Variants in C12orf42 observed in about 807,000 individuals in gnomAD.
C12orf42 encodes uncharacterized protein C12orf42.
Under a neutral mutation model 21.6 loss-of-function variants are expected in C12orf42, and 25 were observed. The ratio of observed to expected loss-of-function variants is 1.16; its 90% CI spans 0.84 to 1.62. The LOEUF is 1.62. C12orf42 is among the 40% of genes most tolerant of loss of function. The pLI is 0.00. For synonymous variants in C12orf42, 174 were observed against 175.0 expected (o/e 0.99, Z 0.05); for missense variants, 483 against 459.3 (o/e 1.05, Z -0.47).
the C12orf42 span, among the ~76,000 whole-genome samples, chr12:103,521,071 G>A: frequency 6.6e-6 from 1 of 152,162 alleles, no homozygotes; most frequent in African/African-American, 2.4e-5. Flanking sequence ...TGTAGGATAT[G>A]GCATGCACTG....
intron 2 of C12orf42, among the ~76,000 whole-genome samples, chr12:103,436,170 G>A (rs1455942081): frequency 4.0e-5 from 6 of 150,392 alleles, no homozygotes. Context: ...AAGTGAAGGA[G>A]AAATAAAATA....
At chr12:103,267,667 G>A (rs1387269656), downstream of C12orf42, 5 of 152,110 alleles carry the variant, frequency 3.3e-5, no homozygotes, top group Admixed American at 6.5e-5. Context: ...GGATGAGAAG[G>A]ACACTTCGTT....
the C12orf42 span, among the ~76,000 whole-genome samples, chr12:103,130,612 T>TG: frequency 5.9e-5 from 9 of 151,914 alleles, no homozygotes; most frequent in Non-Finnish European, 1.2e-4. Flanking sequence ...TCAGCACCCA[T>TG]GGAGGGGAGA....
intron 3 of C12orf42, among the ~76,000 whole-genome samples, chr12:103,397,392 G>A (rs7965797): frequency 0.81 from 122,760 of 152,138 alleles, 49,585 homozygotes; most frequent in Admixed American, 0.86. Context: ...CCAGGCTGGG[G>A]GCAAGCATTA....
chr12:103,514,700 G>T, the C12orf42 span, among the ~76,000 whole-genome samples: 5 of 152,260 alleles, frequency 3.3e-5, no homozygotes, highest in Non-Finnish European at 7.4e-5. Flanking sequence ...TTGTCTGGGG[G>T]CAAGAACCAA....
intron 3 of C12orf42, among the ~76,000 whole-genome samples, chr12:103,389,829 G>A (rs775808517): frequency 3.9e-5 from 6 of 152,272 alleles, no homozygotes; most frequent in Non-Finnish European, 7.4e-5. Context: ...TTGTGTCAGC[G>A]ACTCTCCCAG....
chr12:103,363,559 G>A (rs35084914), intron 4 of C12orf42, among the ~76,000 whole-genome samples: 24,460 of 152,018 alleles, frequency 0.16, 2,812 homozygotes, highest in African/African-American at 0.33. Context: ...ATTGCAGAAC[G>A]GATAAGAATT....
At chr12:103,173,251 T>G in the C12orf42 span, among the ~76,000 whole-genome samples, 1 of 152,174 alleles carries the variant, frequency 6.6e-6, no homozygotes, top group South Asian at 2.1e-4. Flanking sequence ...TTTAATGTTT[T>G]TTATTGTATA....
At chr12:103,344,386 T>G (rs2042430470) in intron 4 of C12orf42, among the ~76,000 whole-genome samples, 1 of 152,194 alleles carries the variant, frequency 6.6e-6, no homozygotes, top group African/African-American at 2.4e-5. Context: ...AAGAATTTTG[T>G]ACACAGGCTG....
chr12:103,066,707 T>G, the C12orf42 span, among the ~76,000 whole-genome samples: 2 of 152,174 alleles, frequency 1.3e-5, no homozygotes, highest in African/African-American at 4.8e-5. Context: ...GGCCTGATGG[T>G]CAGAAACTTG....
chr12:103,152,857 A>G, the C12orf42 span, among the ~76,000 whole-genome samples: 1 of 152,028 alleles, frequency 6.6e-6, no homozygotes, highest in Non-Finnish European at 1.5e-5. Flanking sequence ...GGGGATCTAA[A>G]CAAATAGAAA....
intron 10 of C12orf42, among the ~76,000 whole-genome samples, chr12:103,249,848 T>C (rs1460679685): frequency 6.6e-6 from 1 of 152,080 alleles, no homozygotes; most frequent in African/African-American, 2.4e-5. Context: ...AGTCAATCCT[T>C]AGATTTTCTA....
At chr12:103,420,841 C>T (rs2049827742) in intron 2 of C12orf42, among the ~76,000 whole-genome samples, 1 of 152,136 alleles carries the variant, frequency 6.6e-6, no homozygotes. Flanking sequence ...TTGCACTATA[C>T]ACATTGTAGA....
At chr12:103,475,107 G>GA (rs755152527) in intron 2 of C12orf42, among the ~76,000 whole-genome samples, 3 of 152,152 alleles carry the variant, frequency 2.0e-5, no homozygotes, top group Admixed American at 1.3e-4. Flanking sequence ...TGTAGATTCA[G>GA]AAAAAAGCCA....
At chr12:103,540,509 T>C in the C12orf42 span, among the ~76,000 whole-genome samples, 2 of 152,346 alleles carry the variant, frequency 1.3e-5, no homozygotes, top group South Asian at 2.1e-4. Flanking sequence ...AGAATGTTTA[T>C]ATTTTTCCCA....
the C12orf42 span, among the ~76,000 whole-genome samples, chr12:103,094,795 G>A: frequency 1.3e-5 from 2 of 152,088 alleles, no homozygotes; most frequent in Admixed American, 6.6e-5. Context: ...TGTGGTTTGT[G>A]TCATGTGTCC....
At chr12:103,530,627 G>A in the C12orf42 span, among the ~76,000 whole-genome samples, 2 of 103,482 alleles carry the variant, frequency 1.9e-5, no homozygotes, top group African/African-American at 2.8e-5. Context: ...GCAAGTGTTC[G>A]GGGGGGGAAA....
intron 4 of C12orf42, among the ~76,000 whole-genome samples, chr12:103,306,756 C>A (rs535200599): frequency 6.6e-6 from 1 of 152,280 alleles, no homozygotes; most frequent in African/African-American, 2.4e-5. Flanking sequence ...TAACCCGCAG[C>A]ACCTGTGCAT....
At chr12:103,067,037 G>A in the C12orf42 span, among the ~76,000 whole-genome samples, 1 of 152,156 alleles carries the variant, frequency 6.6e-6, no homozygotes, top group African/African-American at 2.4e-5. Flanking sequence ...TACGACCACT[G>A]CTGAGTGCCC....
Sources: gnomAD v4.1 joint callset for allele counts (sites outside exome capture counted in the v4.1 genomes callset) on GRCh38, gnomAD v4.1.1 for gene constraint, MANE v1.5 for transcripts, NCBI Gene and HGNC (gene_info 2026-07-23, HGNC 2026-07-21) for gene names.